Variants in ABCC11 observed in about 807,000 individuals in gnomAD.
The protein encoded by ABCC11 is ATP-binding cassette sub-family C member 11.
Under a neutral mutation model 149.3 loss-of-function variants are expected in ABCC11, and 135 were observed. The ratio of observed to expected loss-of-function variants is 0.90; its 90% confidence interval spans 0.79 to 1.04. ABCC11 has a LOEUF of 1.04. Among genes scored for constraint, ABCC11 ranks in the 50% least tolerant of loss-of-function variants. ABCC11 has a pLI of 0.00. For synonymous variants in ABCC11, 665 were observed against 671.4 expected, an observed-to-expected ratio of 0.99 and a Z score of 0.15; for missense variants, 1,680 against 1,722.1, an observed-to-expected ratio of 0.98 and a Z score of 0.43.
At chr16:48,215,981 T>G (rs942167413) in intron 7 of ABCC11, 133 bp downstream of exon 7, 2 of 951,516 alleles carry the variant, frequency 2.1e-6, no homozygotes, top group African/African-American at 3.3e-5. Flanking sequence ...AAGTAGGGAG[T>G]GGAGCTGAAT....
intron 6 of ABCC11, among the ~76,000 whole-genome samples, chr16:48,221,122 T>C (rs1025337650): frequency 1.9e-4 from 29 of 151,988 alleles, no homozygotes; most frequent in Middle Eastern, 3.2e-3. Flanking sequence ...GACTGGAGGT[T>C]AAGCCCAGCC....
chr16:48,243,129 A>G lies in ABCC11; in HGVS notation c.-19+4185T>C, dbSNP rs1971080033. ...AAAAAAAAAAAAATTGGACGGGCGC[A>G]GTGGCTCAGGCCTGTAATCCCAGCA... On this transcript the variant is annotated intron_variant, in intron 1 of 29. Coordinates refer to ENST00000356608, the MANE Select transcript of ABCC11 (RefSeq NM_001370497.1). Among the ~76,000 whole-genome samples the G allele has an allele frequency of 3.3e-5, 5 of 151,850 alleles. No homozygotes were observed. The South Asian group carries it at 1.0e-3, about 32-fold the overall frequency.
intron 25 of ABCC11, 148 bp from the exon 26 acceptor site, chr16:48,175,565 C>T (rs1293073060): frequency 9.5e-6 from 9 of 952,158 alleles, no homozygotes; most frequent in Non-Finnish European, 7.5e-6. Context: ...AGAGGGCTGG[C>T]GTCCCTGCTC....
rs1201878982 is a variant in ABCC11, at chr16:48,181,611, CT to C, written c.3258+2828del. On this transcript the variant is annotated intron_variant, in intron 23 of 29. Coordinates refer to ENST00000356608, the MANE Select transcript of ABCC11 (RefSeq NM_001370497.1). ...ACCTGGGTATTCCAAACCACATGTT[CT>C]TTTTTTTTTTTTTTCTGAGATGGAG... Among the ~76,000 whole-genome samples the C allele has an allele frequency of 1.9e-3, 268 of 142,098 alleles. 1 individual carries two copies. The highest frequency in any genetic ancestry group is 2.1e-3 in the African/African-American group (82 of 38,838). The allele number at this position is 142,098 out of a possible 152,430, so 93.2% of individuals were successfully genotyped here.
intron 15 of ABCC11, among the ~76,000 whole-genome samples, chr16:48,199,539 A>G (rs1038783903): frequency 3.3e-5 from 5 of 152,218 alleles, no homozygotes; most frequent in Non-Finnish European, 7.3e-5. Context: ...AAGCACCACC[A>G]GAAGCAGTCA....
rs537235049 is a variant in ABCC11, at chr16:48,199,951, T to C, written c.2082+325A>G. ...TTGGCCTCCCAAAGTGCTGGGATTA[T>C]AGGCATGAGCCACCGTGCTCGGCCT... On this transcript the variant is annotated intron_variant, in intron 15 of 29. Transcript: ENST00000356608. Among the ~76,000 whole-genome samples the C allele has an allele frequency of 6.6e-5, 10 of 152,230 alleles. No homozygotes were observed. The East Asian group carries it at 1.9e-3, about 29-fold the overall frequency.
chr16:48,182,769 C>A (rs1233345485), intron 23 of ABCC11, among the ~76,000 whole-genome samples: 3 of 137,486 alleles, frequency 2.2e-5, no homozygotes, highest in African/African-American at 5.6e-5. Flanking sequence ...GGCAACAGAG[C>A]AAGACTCCAT....
chr16:48,174,330 A>C (rs1965899829), intron 26 of ABCC11, among the ~76,000 whole-genome samples: 1 of 152,194 alleles, frequency 6.6e-6, no homozygotes, highest in African/African-American at 2.4e-5. Flanking sequence ...GGGAGGATGA[A>C]TGAAGGAATG....
intron 2 of ABCC11, among the ~76,000 whole-genome samples, chr16:48,231,294 T>TA (rs756189508): frequency 1.3e-5 from 2 of 152,098 alleles, no homozygotes; most frequent in Non-Finnish European, 2.9e-5. Context: ...TGCATAGAGA[T>TA]ATGCATAAAC....
chr16:48,196,524 C>T (rs980864154), intron 17 of ABCC11, among the ~76,000 whole-genome samples: 2 of 152,156 alleles, frequency 1.3e-5, no homozygotes, highest in African/African-American at 4.8e-5. Context: ...CCATCCTTAG[C>T]CATTCAATAA....
Position 48,170,170 on chromosome 16 carries a change from C to T in ABCC11, c.3826G>A (p.Gly1276Arg). 6.2e-7 allele frequency: 1 copy of T among 1,614,146 alleles called. No homozygotes were observed. Among genetic ancestry groups the T allele is most frequent in the Non-Finnish European group, 8.5e-7 (1 of 1,179,996 alleles). The change falls in exon 28 of 30, where the codon GGA becomes AGA. Residue 1276 changes from glycine (G) to arginine (R), a missense_variant. By Grantham distance (125) the Gly-to-Arg change is moderately radical (BLOSUM62 -2). Transcript: ENST00000356608. Reference protein sequence around the residue: ...KLHTDVVENGGNFSVGERQLL... With the variant: ...KLHTDVVENGRNFSVGERQLL... ...TGCCTCTCCCCCACAGAGAAGTTTCCACCGTTTTCCACCACATCTGTATGC... is the reference window on the plus strand; with the variant it reads ...TGCCTCTCCCCCACAGAGAAGTTTCTACCGTTTTCCACCACATCTGTATGC...
rs764013076 is a variant in ABCC11 at position 48,175,276 on chromosome 16, A to G, written c.3680T>C (p.Leu1227Pro). 6.2e-7 allele frequency: 1 copy of G among 1,612,776 alleles called. No individual in the cohort carries two copies. The highest frequency in any genetic ancestry group is 8.5e-7 in the Non-Finnish European group (1 of 1,178,956). Residue 1227 changes from leucine (L) to proline (P), a missense_variant, in exon 26 of 30, where the codon CTG (leucine) becomes CCG (proline). Leu to Pro is a moderately conservative substitution (Grantham distance 98, BLOSUM62 -3). Transcript: ENST00000356608. The part of the protein sequence containing the change: ...KLSVIPQDPV[L>P]LSGTIRFNLD... ...CACTCACCTGATGGTTCCTGAGAGC[A>G]GCACTGGATCTTGAGGGATCACTGA...
intron 13 of ABCC11, among the ~76,000 whole-genome samples, chr16:48,204,165 C>T (rs1361852823): frequency 6.6e-6 from 1 of 152,152 alleles, no homozygotes; most frequent in Non-Finnish European, 1.5e-5. Context: ...AGTGAATTTG[C>T]TGAGTCAAAG....
chr16:48,216,365 C>A, intron 6 of ABCC11, 78 bp from the exon 7 acceptor site: 1 of 1,414,852 alleles, frequency 7.1e-7, no homozygotes. Flanking sequence ...CCTCCCCATG[C>A]CCTCTCCTAG....
At position 48,186,962 on chromosome 16, in the gene ABCC11, A is replaced by G. The variant is rs1330092106; in HGVS notation, c.3062T>C (p.Phe1021Ser). 1 of 1,613,992 alleles carries G rather than the reference A, an allele frequency of 6.2e-7. No homozygotes were observed. The highest frequency in any genetic ancestry group is 8.5e-7 in the Non-Finnish European group (1 of 1,180,022). The change falls in exon 22 of 30, where the codon TTC (phenylalanine) becomes TCC (serine). Residue 1021 changes from phenylalanine (F) to serine (S), a missense_variant. Phe to Ser is a radical substitution (Grantham distance 155, BLOSUM62 -2). Coordinates refer to ENST00000356608, the MANE Select transcript of ABCC11 (RefSeq NM_001370497.1). ...CAGCAGAAGGACTCACTGGCTGATG[A>G]AGTCTTCAGTTTTTCCATAGACATG... ...SIHVYGKTED[F>S]ISQFKRLTDA...
At chr16:48,194,540 CAT>C (rs1355647867) in intron 18 of ABCC11, among the ~76,000 whole-genome samples, 1 of 152,190 alleles carries the variant, frequency 6.6e-6, no homozygotes, top group Non-Finnish European at 1.5e-5. Context: ...CTCCAAAATT[CAT>C]ATGTTGAAAC....
intron 20 of ABCC11, among the ~76,000 whole-genome samples, chr16:48,191,314 T>A (rs1966904310): frequency 6.6e-6 from 1 of 152,228 alleles, no homozygotes; most frequent in Admixed American, 6.5e-5. Flanking sequence ...GATGGGCAGA[T>A]GGCTTGAGCC....
intron 10 of ABCC11, 85 bp from the exon 11 acceptor site, chr16:48,211,284 A>T: frequency 1.3e-6 from 2 of 1,495,978 alleles, no homozygotes; most frequent in Non-Finnish European, 1.8e-6. Context: ...CAAGTCTGCC[A>T]GTTGGTATGG....
chr16:48,236,091 T>C (rs1970673676), intron 1 of ABCC11, among the ~76,000 whole-genome samples: 1 of 152,230 alleles, frequency 6.6e-6, no homozygotes, highest in Non-Finnish European at 1.5e-5. Flanking sequence ...TTACTCCTCC[T>C]GTACCTCGCC....
Sources: allele counts gnomAD v4.1 joint callset (sites outside exome capture counted in the v4.1 genomes callset), GRCh38; gene constraint gnomAD v4.1.1; transcripts MANE v1.5; gene names NCBI Gene and HGNC (gene_info 2026-07-23, HGNC 2026-07-21).